SORCS2: variants seen among roughly 807,000 people sequenced by gnomAD.
The protein encoded by SORCS2 is VPS10 domain-containing receptor SorCS2.
SORCS2 carries 100 observed loss-of-function variants against 141.6 expected under a neutral mutation model. The ratio of observed to expected loss-of-function variants is 0.71; its 90% CI spans 0.60 to 0.83. The LOEUF (loss-of-function observed/expected upper bound fraction) is 0.83. Ranked by LOEUF, SORCS2 falls within the 40% of genes least tolerant of loss-of-function variation. The pLI is 0.00. For missense variants in SORCS2, 1,646 were observed against 1,560.2 expected (o/e 1.05, Z -0.93); for synonymous variants, 789 against 676.9 (o/e 1.17, Z -2.57).
At chr4:7,459,866 C>A (rs1053031018) in intron 2 of SORCS2, among the ~76,000 whole-genome samples, 1 of 152,158 alleles carries the variant, frequency 6.6e-6, no homozygotes, top group Non-Finnish European at 1.5e-5. Context: ...GGGAGAAGTA[C>A]CCGGGCAGGT....
intron 2 of SORCS2, chr4:7,434,133 C>T (rs766321274): frequency 6.2e-7 from 1 of 1,613,574 alleles, no homozygotes. Context: ...ATCCCCCCTT[C>T]CTGCAGAGCT....
At chr4:7,676,005 C>T (rs1275027967) in intron 8 of SORCS2, 45 bp from the exon 9 acceptor site, 11 of 1,545,184 alleles carry the variant, frequency 7.1e-6, no homozygotes, top group African/African-American at 1.4e-5. Flanking sequence ...CCTCGTGCAG[C>T]CCCCAGCCTG....
chr4:7,222,932 C>T (rs1187105235), intron 1 of SORCS2, among the ~76,000 whole-genome samples: 5 of 152,128 alleles, frequency 3.3e-5, no homozygotes, highest in Admixed American at 1.3e-4. Flanking sequence ...CTCAAGAACA[C>T]GCAAAGACTT....
intron 1 of SORCS2, among the ~76,000 whole-genome samples, chr4:7,309,542 A>G (rs3843439): frequency 0.76 from 115,945 of 152,020 alleles, 46,327 homozygotes; most frequent in Non-Finnish European, 0.88. Flanking sequence ...TTTGAAATGG[A>G]GGAGTGAGAA....
intron 1 of SORCS2, among the ~76,000 whole-genome samples, chr4:7,239,263 T>C (rs1712515441): frequency 6.6e-6 from 1 of 152,248 alleles, no homozygotes; most frequent in Admixed American, 6.5e-5. Flanking sequence ...TGGCAGCTTC[T>C]GAGCTTCTGC....
chr4:7,727,544 T>C (rs1344304883), intron 21 of SORCS2, among the ~76,000 whole-genome samples: 1 of 152,172 alleles, frequency 6.6e-6, no homozygotes, highest in Non-Finnish European at 1.5e-5. Context: ...GTTAAATATT[T>C]AGTTGGACAA....
intron 11 of SORCS2, among the ~76,000 whole-genome samples, chr4:7,689,977 A>G (rs1724117650): frequency 6.6e-6 from 1 of 151,946 alleles, no homozygotes; most frequent in Non-Finnish European, 1.5e-5. Context: ...TGGATGGATG[A>G]TGGTGGATGG....
rs186260561 is a variant in SORCS2, at chr4:7,725,900, G to A, written c.2745+613G>A. Among the ~76,000 whole-genome samples the A allele has an allele frequency of 8.7e-4, 132 of 152,382 alleles. 1 individual carries two copies. Among genetic ancestry groups the A allele is most frequent in the African/African-American group, 3.0e-3 (124 of 41,592 alleles). Reference sequence around the variant, plus strand: ...CAGAGCCCCAGCAAGGGGAGGGCCTGTGGGCTCTGGATTGTGTTTCTCTAG... The same window carrying A: ...CAGAGCCCCAGCAAGGGGAGGGCCTATGGGCTCTGGATTGTGTTTCTCTAG... On this transcript the variant is annotated intron_variant, in intron 20 of 26. Coordinates refer to ENST00000507866, the MANE Select transcript of SORCS2 (RefSeq NM_020777.3).
At chr4:7,387,692 AT>A (rs1723504211) in intron 1 of SORCS2, among the ~76,000 whole-genome samples, 1 of 148,050 alleles carries the variant, frequency 6.8e-6, no homozygotes, top group African/African-American at 2.6e-5. Flanking sequence ...GTACACAGAG[AT>A]ACACACGCAC....
At chr4:7,211,746 G>T (rs527497085) in intron 1 of SORCS2, among the ~76,000 whole-genome samples, 1 of 152,276 alleles carries the variant, frequency 6.6e-6, no homozygotes, top group South Asian at 2.1e-4. Flanking sequence ...GGAAGATGCA[G>T]GTGTGACAAG....
chr4:7,618,120 T>C (rs1718890227), intron 3 of SORCS2, among the ~76,000 whole-genome samples: 1 of 152,090 alleles, frequency 6.6e-6, no homozygotes, highest in Non-Finnish European at 1.5e-5. Flanking sequence ...CCCTGATTCA[T>C]CGCGTTGCCA....
At chr4:7,411,020 A>C (rs1050880905) in intron 2 of SORCS2, among the ~76,000 whole-genome samples, 2 of 120,378 alleles carry the variant, frequency 1.7e-5, no homozygotes, top group African/African-American at 6.4e-5. Flanking sequence ...TAGTGGTGTG[A>C]TCTCGACTCA....
intron 24 of SORCS2, among the ~76,000 whole-genome samples, chr4:7,733,848 C>T (rs926716400): frequency 5.9e-5 from 9 of 152,224 alleles, no homozygotes; most frequent in Non-Finnish European, 1.0e-4. Context: ...GCCTCCATCC[C>T]CAGTGGGAGC....
rs867686489 is a variant in SORCS2, at chr4:7,724,871, G to T, written c.2612-283G>T. ...GGTGGTAGTGGTGATGGTGGTGGTA[G>T]TGGTGATGGTGGTGGTGTTGGTGAT... On this transcript the variant is annotated intron_variant, in intron 19 of 26. Coordinates refer to ENST00000507866, the MANE Select transcript of SORCS2 (RefSeq NM_020777.3). 1.1e-4 allele frequency among the ~76,000 whole-genome samples: 9 copies of T among 81,040 alleles called. 1 individual carries two copies. Among genetic ancestry groups the T allele is most frequent in the African/African-American group, 4.0e-4 (8 of 20,214 alleles). 53.2% of individuals were successfully genotyped at this position (81,040 alleles called of 152,430 possible). A position where few individuals can be genotyped will look rare whatever the true frequency, so the allele number is the denominator to read the frequency against.
chr4:7,699,148 T>C (rs112882203), intron 12 of SORCS2, among the ~76,000 whole-genome samples: 2,309 of 152,250 alleles, frequency 0.015, 59 homozygotes, highest in African/African-American at 0.053. Context: ...AAACTCAGTG[T>C]GTGGGGGAGG....
At chr4:7,461,592 G>T (rs1729315908) in intron 2 of SORCS2, among the ~76,000 whole-genome samples, 1 of 152,212 alleles carries the variant, frequency 6.6e-6, no homozygotes. Flanking sequence ...GAAATGAAGT[G>T]GCACTGTAGC....
intron 2 of SORCS2, among the ~76,000 whole-genome samples, chr4:7,471,212 C>G (rs1447010290): frequency 1.3e-5 from 2 of 152,208 alleles, no homozygotes; most frequent in African/African-American, 4.8e-5. Context: ...CCTTCCCCGC[C>G]GGCCCCGCTT....
At chr4:7,554,277 G>T (rs1040658001) in intron 3 of SORCS2, among the ~76,000 whole-genome samples, 1 of 152,220 alleles carries the variant, frequency 6.6e-6, no homozygotes, top group Non-Finnish European at 1.5e-5. Flanking sequence ...AGGATTGACT[G>T]TGATGAACCC....
At chr4:7,558,055 G>A (rs1477885643) in intron 3 of SORCS2, among the ~76,000 whole-genome samples, 1 of 152,190 alleles carries the variant, frequency 6.6e-6, no homozygotes, top group Non-Finnish European at 1.5e-5. Flanking sequence ...AGCCGGAGGA[G>A]GTGTTGAGTG....
Sources: gnomAD v4.1 joint callset for allele counts (sites outside exome capture counted in the v4.1 genomes callset) on GRCh38, gnomAD v4.1.1 for gene constraint, MANE v1.5 for transcripts, NCBI Gene and HGNC (gene_info 2026-07-23, HGNC 2026-07-21) for gene names.